Variants in CABIN1 observed in about 807,000 individuals in gnomAD.
The protein encoded by CABIN1 is calcineurin-binding protein cabin-1.
A neutral mutation model predicts 227.7 loss-of-function variants in CABIN1; 133 were observed. The observed-to-expected ratio is 0.58, with a 90% CI of 0.51 to 0.67. CABIN1 has a LOEUF of 0.67. CABIN1 is among the 30% of genes least tolerant of loss of function. The pLI is 0.00. For synonymous variants in CABIN1, 1,086 were observed against 1,155.1 expected (o/e 0.94, Z 1.21); for missense variants, 2,408 against 2,852.5 (o/e 0.84, Z 3.55).
chr22:24,085,236 T>A (rs2041075348), intron 22 of CABIN1, 85 bp downstream of exon 22: 7 of 1,454,770 alleles, frequency 4.8e-6, no homozygotes, highest in Non-Finnish European at 6.7e-6. Flanking sequence ...TGGGCCACTT[T>A]GGGGTTTCCC....
intron 28 of CABIN1, among the ~76,000 whole-genome samples, chr22:24,125,578 CACTG>C (rs1483439213): frequency 1.3e-5 from 2 of 152,214 alleles, no homozygotes; most frequent in Non-Finnish European, 2.9e-5. Context: ...TTTGAGTTGA[CACTG>C]ACTGAGCCAG....
intron 25 of CABIN1, among the ~76,000 whole-genome samples, chr22:24,097,121 TTA>T (rs1254223648): frequency 6.6e-6 from 1 of 152,254 alleles, no homozygotes; most frequent in East Asian, 1.9e-4. Flanking sequence ...ACCCATTTTT[TTA>T]GTCACAAAGG....
chr22:24,023,262 A>T (rs2035853757), intron 1 of CABIN1, among the ~76,000 whole-genome samples: 1 of 152,192 alleles, frequency 6.6e-6, no homozygotes, highest in Non-Finnish European at 1.5e-5. Context: ...ATTTCATTGT[A>T]TTTGTATACC....
At chr22:24,095,383 A>C (rs2041825077) in intron 24 of CABIN1, among the ~76,000 whole-genome samples, 1 of 152,238 alleles carries the variant, frequency 6.6e-6, no homozygotes, top group Non-Finnish European at 1.5e-5. Flanking sequence ...GAAATGGAGG[A>C]AAGCACAGGG....
intron 29 of CABIN1, among the ~76,000 whole-genome samples, chr22:24,134,905 C>T (rs1044531669): frequency 6.7e-6 from 1 of 150,016 alleles, no homozygotes; most frequent in Non-Finnish European, 1.5e-5. Flanking sequence ...TGGCAAAACC[C>T]CATCTTTACT....
rs763548752 is a variant in CABIN1 at position 24,070,812 on chromosome 22, C to T, written c.2245C>T (p.Arg749Trp). 80 of 1,614,072 alleles carry T rather than the reference C, an allele frequency of 5.0e-5. No homozygotes were observed. The highest frequency in any genetic ancestry group is 1.6e-4 in the Middle Eastern group (1 of 6,084). The change falls in exon 17 of 37, where the codon CGG (arginine) becomes TGG (tryptophan). Residue 749 changes from arginine to tryptophan, a missense_variant. Transcript: ENST00000263119. Reference protein sequence around the residue: ...QLLLLQDSLLRLKDYRQCFEC... With the variant: ...QLLLLQDSLLWLKDYRQCFEC... ...CTTGCTGTACTAGGACTCCTTGCTC[C>T]GGCTGAAGGACTATCGGCAGTGTTT...
chr22:24,165,910 G>C (rs1382583513), intron 31 of CABIN1, among the ~76,000 whole-genome samples: 1 of 152,194 alleles, frequency 6.6e-6, no homozygotes, highest in Non-Finnish European at 1.5e-5. Context: ...CCAGGGCGGG[G>C]TCCCAAGCCC....
intron 1 of CABIN1, among the ~76,000 whole-genome samples, chr22:24,012,000 T>C (rs1174191534): frequency 1.3e-5 from 2 of 152,248 alleles, no homozygotes; most frequent in Admixed American, 6.5e-5. Context: ...TCGGATTCCA[T>C]GTGGCTAAGA....
At chr22:24,082,719 A>G (rs1445930953) in intron 19 of CABIN1, among the ~76,000 whole-genome samples, 2 of 152,158 alleles carry the variant, frequency 1.3e-5, no homozygotes, top group African/African-American at 4.8e-5. Context: ...TCTGATCCTC[A>G]TTTATGTTTT....
In CABIN1 at chr22:24,156,011, C is replaced by T. The variant is rs376685330; in HGVS notation, c.4747-8389C>T. On this transcript the variant is annotated intron_variant, in intron 29 of 36. Transcript: ENST00000263119. ...CGCCGCGAGCGAGAGAGCGAACGAG[C>T]CTCCGCGGCCATGGCCCGGCGCTCG... 2.6e-4 allele frequency: 151 copies of T among 573,756 alleles called. No homozygotes were observed. In the South Asian group the frequency reaches 2.9e-3, roughly 11 times the overall value. 35.5% of individuals were successfully genotyped at this position (573,756 alleles called of 1,614,324 possible).
At chr22:24,083,763 AAAAC>A (rs779322444) in intron 20 of CABIN1, among the ~76,000 whole-genome samples, 15 of 152,174 alleles carry the variant, frequency 9.9e-5, no homozygotes, top group Non-Finnish European at 1.6e-4. Context: ...CCCATCTCTA[AAAAC>A]AAACAAACAA....
At chr22:24,068,361 G>A (rs917986873) in intron 16 of CABIN1, among the ~76,000 whole-genome samples, 1 of 152,230 alleles carries the variant, frequency 6.6e-6, no homozygotes, top group Non-Finnish European at 1.5e-5. Context: ...AGCATACCAG[G>A]AAGGGTGCTG....
At chr22:24,048,713 C>T (rs1441399032) in intron 6 of CABIN1, among the ~76,000 whole-genome samples, 2 of 152,224 alleles carry the variant, frequency 1.3e-5, no homozygotes, top group South Asian at 2.1e-4. Context: ...AGCCCTGTGC[C>T]TGGCTATTTC....
At chr22:24,064,537 T>C (rs1262837170) in intron 15 of CABIN1, among the ~76,000 whole-genome samples, 1 of 134,848 alleles carries the variant, frequency 7.4e-6, no homozygotes, top group African/African-American at 2.8e-5. Context: ...TTTTTTTTTA[T>C]TGATCATTCT....
At chr22:24,100,480 C>G (rs1426738176) in intron 26 of CABIN1, among the ~76,000 whole-genome samples, 3 of 152,254 alleles carry the variant, frequency 2.0e-5, no homozygotes, top group Non-Finnish European at 2.9e-5. Flanking sequence ...AGGGGCCACA[C>G]TGCCCACCTC....
In CABIN1 at chr22:24,083,282, T is replaced by TA; in HGVS notation, c.2804dup (p.Tyr935Ter). The TA allele has an allele frequency of 1.9e-6, 3 of 1,613,400 alleles. No individual in the cohort carries two copies. Among genetic ancestry groups the TA allele is most frequent in the Non-Finnish European group, 2.5e-6 (3 of 1,179,998 alleles). The change falls in exon 20 of 37, where the codon TAC (tyrosine) becomes TAAC (stop). Residue 935 changes from tyrosine to a stop codon, truncating the protein, a stop_gained and frameshift_variant. Transcript: ENST00000263119. LOFTEE classifies it high-confidence loss of function. ...ATCCACCTCTGAAGACACGCACCCT[T>TA]ACAAGGAGGAGCTGGAGACAGCCTT... ...AASTSEDTHP[Y>*]KEELETALEQ... is the part of the protein sequence containing the mutation.
chr22:24,046,698 G>T (rs895135836), intron 6 of CABIN1, among the ~76,000 whole-genome samples: 1 of 152,112 alleles, frequency 6.6e-6, no homozygotes, highest in Non-Finnish European at 1.5e-5. Flanking sequence ...TAAGGAATTG[G>T]CTCATGTGGT....
chr22:24,016,689 A>G (rs1051467838), intron 1 of CABIN1, among the ~76,000 whole-genome samples: 15 of 152,208 alleles, frequency 9.9e-5, no homozygotes, highest in African/African-American at 4.8e-5. Flanking sequence ...GTTGAAAGGT[A>G]AATGCATATG....
intron 28 of CABIN1, among the ~76,000 whole-genome samples, chr22:24,122,963 G>A (rs1321641620): frequency 2.0e-5 from 3 of 152,156 alleles, no homozygotes; most frequent in African/African-American, 7.2e-5. Context: ...ACAGAGCTGA[G>A]TGACAGAGCC....
Sources: allele counts gnomAD v4.1 joint callset (sites outside exome capture counted in the v4.1 genomes callset), GRCh38; gene constraint gnomAD v4.1.1; transcripts MANE v1.5; gene names NCBI Gene and HGNC (gene_info 2026-07-23, HGNC 2026-07-21).